Variants in CENPE observed in about 807,000 individuals in gnomAD.
CENPE encodes the protein centromere protein E.
Under a neutral mutation model 336.1 loss-of-function variants are expected in CENPE, and 145 were observed. The ratio of observed to expected loss-of-function variants is 0.43; its 90% CI spans 0.38 to 0.50. CENPE has a LOEUF of 0.50. Ranked by LOEUF, CENPE falls within the 20% of genes least tolerant of loss-of-function variation. The pLI is 0.00. For synonymous variants in CENPE, 1,013 were observed against 984.8 expected (o/e 1.03, Z -0.54); for missense variants, 2,719 against 3,023.3 (o/e 0.90, Z 2.36).
chr4:103,139,789 TCTAG>T lies in CENPE; in HGVS notation c.6200_6203del (p.Ala2067GlufsTer8), dbSNP rs760181244. On this transcript the variant is annotated frameshift_variant and splice_region_variant, in exon 38 of 49. Transcript: ENST00000265148. LOFTEE classifies it high-confidence loss of function. The stretch of plus-strand genomic sequence containing the variant: ...ACACAAAGGAAGACTCTGAACTCAC[TCTAG>T]CTATCATTTCCCTTAAGGTTGCTAT... The T allele has an allele frequency of 6.2e-7, 1 of 1,602,572 alleles. No individual in the cohort carries two copies. Among genetic ancestry groups the T allele is most frequent in the South Asian group, 1.1e-5 (1 of 88,460 alleles).
At chr4:103,186,776 G>C (rs1332750436) in intron 8 of CENPE, among the ~76,000 whole-genome samples, 1 of 152,190 alleles carries the variant, frequency 6.6e-6, no homozygotes, top group Non-Finnish European at 1.5e-5. Flanking sequence ...GTAGCTTTAG[G>C]TTCATAGGAC....
chr4:103,120,052 T>C, intron 44 of CENPE, 96 bp downstream of exon 44: 1 of 835,578 alleles, frequency 1.2e-6, no homozygotes. Context: ...AGTAAGTTGT[T>C]GTGAGAGGGA....
At chr4:103,156,839 A>G (rs1223308110) in intron 24 of CENPE, among the ~76,000 whole-genome samples, 1 of 152,080 alleles carries the variant, frequency 6.6e-6, no homozygotes, top group Non-Finnish European at 1.5e-5. Context: ...TATAACTGAT[A>G]AAGGGGTAAT....
intron 35 of CENPE, 139 bp from the exon 36 acceptor site, chr4:103,141,243 CTTTT>C (rs757772219): frequency 5.6e-5 from 33 of 585,844 alleles, no homozygotes; most frequent in Non-Finnish European, 8.6e-5. Context: ...ATTTTACTTT[CTTTT>C]GAGGTATAAT....
chr4:103,116,569 A>G lies in CENPE; in HGVS notation c.7442+8T>C. 7.2e-7 allele frequency: 1 copy of G among 1,381,506 alleles called. No individual in the cohort carries two copies. The allele number at this position is 1,381,506 out of a possible 1,614,324, so 85.6% of individuals were successfully genotyped here. ...TTAAAATCACATTAAATTAAGACAA[A>G]TACGTACTCCTTTTCAAATTCTTTG... On this transcript the variant is annotated splice_region_variant and intron_variant, in intron 45 of 48. Coordinates refer to ENST00000265148, the MANE Select transcript of CENPE (RefSeq NM_001813.3).
intron 13 of CENPE, among the ~76,000 whole-genome samples, chr4:103,179,933 T>C (rs145221444): frequency 3.1e-4 from 47 of 152,350 alleles, no homozygotes; most frequent in Non-Finnish European, 6.0e-4. Context: ...GAGTCTACAT[T>C]GACACAATTA....
At chr4:103,140,700 G>C (rs1389465945) in intron 36 of CENPE, 114 bp downstream of exon 36, 34 of 815,202 alleles carry the variant, frequency 4.2e-5, no homozygotes, top group Non-Finnish European at 5.7e-5. Flanking sequence ...TATTATTGGT[G>C]GACACTTAGA....
chr4:103,188,442 C>G (rs1249421869), intron 8 of CENPE, among the ~76,000 whole-genome samples: 1 of 152,176 alleles, frequency 6.6e-6, no homozygotes, highest in East Asian at 1.9e-4. Flanking sequence ...AACAAACTGT[C>G]TCTCAGACCA....
At position 103,121,797 on chromosome 4, in the gene CENPE, G is replaced by A. The variant is rs112680265; in HGVS notation, c.7143+1074C>T. ...GCTTATCTTAAACTCCTAGGCTCAA[G>A]TAATCCTCCAACCTTGGCCTCCCAA... On this transcript the variant is annotated intron_variant, in intron 43 of 48. Transcript: ENST00000265148. Among the ~76,000 whole-genome samples, 541 of 152,070 alleles carry A rather than the reference G, an allele frequency of 3.6e-3. 3 individuals carry two copies. The highest frequency in any genetic ancestry group is 0.011 in the African/African-American group (472 of 41,506).
intron 12 of CENPE, 101 bp downstream of exon 12, chr4:103,181,236 G>T: frequency 2.6e-6 from 2 of 764,050 alleles, no homozygotes; most frequent in East Asian, 3.4e-5. Context: ...CTAAGTTGTA[G>T]CAACTCAGAT....
At chr4:103,121,444 C>G (rs189371191) in intron 43 of CENPE, among the ~76,000 whole-genome samples, 1 of 151,904 alleles carries the variant, frequency 6.6e-6, no homozygotes, top group East Asian at 1.9e-4. Context: ...ATTTAGAATT[C>G]ATTTTTGTTT....
intron 18 of CENPE, among the ~76,000 whole-genome samples, chr4:103,161,927 A>G (rs748976714): frequency 6.6e-6 from 1 of 152,162 alleles, no homozygotes; most frequent in Non-Finnish European, 1.5e-5. Flanking sequence ...GCAAATGAAA[A>G]ATACATGAAA....
Position 103,140,889 on chromosome 4 carries a change from A to G in CENPE, c.5679T>C (p.Asn1893=), listed in dbSNP as rs1417643424. ...TGAGTGTCTCCTCTACTCTTCTTAGATTATCTCTTTCTTTCATTACAGATT... is the reference window on the plus strand; with the variant it reads ...TGAGTGTCTCCTCTACTCTTCTTAGGTTATCTCTTTCTTTCATTACAGATT... ...EMKSVMKERD[N]LRRVEETLKL... The change falls in exon 36 of 49, where the codon AAT becomes AAC. Residue 1893 remains asparagine, a synonymous_variant. Transcript: ENST00000265148. The G allele has an allele frequency of 7.4e-6, 12 of 1,612,410 alleles. No individual in the cohort carries two copies. Among genetic ancestry groups the G allele is most frequent in the African/African-American group, 1.3e-5 (1 of 74,768 alleles).
rs192501909 is a variant in CENPE at position 103,167,849 on chromosome 4, A to G, written c.1648-4296T>C. 1.8e-3 allele frequency among the ~76,000 whole-genome samples: 276 copies of G among 152,310 alleles called. 1 individual carries two copies. The highest frequency in any genetic ancestry group is 6.2e-3 in the African/African-American group (258 of 41,574). ...ACCAAAACTATCTGTCAAGGGGTCCAGGAGAAATCACACACTCTAGGGTCT... is the reference window on the plus strand; with the variant it reads ...ACCAAAACTATCTGTCAAGGGGTCCGGGAGAAATCACACACTCTAGGGTCT... On this transcript the variant is annotated intron_variant, in intron 16 of 48. Coordinates refer to ENST00000265148, the MANE Select transcript of CENPE (RefSeq NM_001813.3).
At position 103,182,822 on chromosome 4, in the gene CENPE, C is replaced by CT; in HGVS notation, c.902dup (p.Thr302AspfsTer13). 6.2e-7 allele frequency: 1 copy of CT among 1,612,672 alleles called. No homozygotes were observed. The highest frequency in any genetic ancestry group is 2.2e-5 in the East Asian group (1 of 44,750). ...GAGTAATTGTGCAGATAATACGTGT[C>CT]TTTGCATTTCCTCCCAAGGAATTCT... On this transcript the variant is annotated frameshift_variant, in exon 11 of 49. Transcript: ENST00000265148. LOFTEE classifies it high-confidence loss of function.
At chr4:103,195,569 T>C (rs1757673195) in intron 4 of CENPE, among the ~76,000 whole-genome samples, 1 of 152,080 alleles carries the variant, frequency 6.6e-6, no homozygotes, top group Non-Finnish European at 1.5e-5. Flanking sequence ...CTTCCCTTCT[T>C]TTTTTACCTA....
intron 11 of CENPE, chr4:103,181,813 T>C (rs1390922040): frequency 6.2e-6 from 1 of 162,120 alleles, no homozygotes; most frequent in Non-Finnish European, 1.3e-5. Flanking sequence ...TATTAACCAC[T>C]TAACTACTAA....
chr4:103,111,412 C>T (rs1360049720), intron 46 of CENPE, among the ~76,000 whole-genome samples: 4 of 152,106 alleles, frequency 2.6e-5, no homozygotes, highest in Admixed American at 2.0e-4. Flanking sequence ...AGGGCCACCC[C>T]GTCATTCAGT....
At chr4:103,183,755 C>T (rs185113128) in intron 9 of CENPE, among the ~76,000 whole-genome samples, 329 of 152,258 alleles carry the variant, frequency 2.2e-3, no homozygotes, top group African/African-American at 7.4e-3. Flanking sequence ...CCCCATTCAA[C>T]CAGTTCCTAT....
Sources: gnomAD v4.1 joint callset for allele counts (sites outside exome capture counted in the v4.1 genomes callset) on GRCh38, gnomAD v4.1.1 for gene constraint, MANE v1.5 for transcripts, NCBI Gene and HGNC (gene_info 2026-07-23, HGNC 2026-07-21) for gene names.